Variants in ARHGAP24 observed in about 807,000 individuals in gnomAD.
ARHGAP24 encodes rho GTPase-activating protein 24.
In ARHGAP24, 50 loss-of-function variants were observed where a neutral mutation model predicts 76.4. The ratio of observed to expected loss-of-function variants is 0.65; its 90% CI spans 0.52 to 0.83. The LOEUF (loss-of-function observed/expected upper bound fraction) is 0.83, where lower values mean the gene tolerates loss of function less well. Ranked by LOEUF, ARHGAP24 falls within the 40% of genes least tolerant of loss-of-function variation. The pLI, the probability that ARHGAP24 is intolerant of heterozygous loss-of-function variation, is 0.00. For missense variants in ARHGAP24, 930 were observed against 914.2 expected, an observed-to-expected ratio of 1.02 and a Z score of -0.22; for synonymous variants, 345 against 323.3, an observed-to-expected ratio of 1.07 and a Z score of -0.72.
chr4:85,693,529 C>T (rs1723750425), intron 2 of ARHGAP24, among the ~76,000 whole-genome samples: 1 of 152,324 alleles, frequency 6.6e-6, no homozygotes, highest in African/African-American at 2.4e-5. Flanking sequence ...CCCTGGGGCA[C>T]AGGGACCTGC....
intron 5 of ARHGAP24, among the ~76,000 whole-genome samples, chr4:85,954,197 G>A (rs994235402): frequency 1.1e-4 from 17 of 152,288 alleles, no homozygotes; most frequent in Admixed American, 6.5e-4. Context: ...TTAAAATACA[G>A]GAGGTAGTTA....
chr4:85,664,709 T>G (rs565147692), intron 2 of ARHGAP24, among the ~76,000 whole-genome samples: 94 of 151,418 alleles, frequency 6.2e-4, no homozygotes, highest in Non-Finnish European at 5.1e-4. Context: ...TCTGGTATGT[T>G]GTGTCTTTGT....
chr4:85,786,131 AT>A (rs1411892785), intron 3 of ARHGAP24, among the ~76,000 whole-genome samples: 2 of 152,194 alleles, frequency 1.3e-5, no homozygotes, highest in African/African-American at 4.8e-5. Flanking sequence ...TGATCTCGTA[AT>A]TAACCCCCAC....
At chr4:85,860,543 T>A (rs345355) in intron 3 of ARHGAP24, among the ~76,000 whole-genome samples, 32,795 of 152,116 alleles carry the variant, frequency 0.22, 4,559 homozygotes, top group Non-Finnish European at 0.32. Flanking sequence ...AAGGCTAACT[T>A]AGAATAGATA....
At chr4:85,535,295 A>T (rs553541901) in intron 1 of ARHGAP24, among the ~76,000 whole-genome samples, 12 of 152,200 alleles carry the variant, frequency 7.9e-5, no homozygotes, top group Non-Finnish European at 1.3e-4. Context: ...TTCAAGCTAG[A>T]CACAAAGTAT....
intron 2 of ARHGAP24, among the ~76,000 whole-genome samples, chr4:85,610,663 TGTG>T (rs1335582571): frequency 2.6e-5 from 4 of 151,992 alleles, no homozygotes; most frequent in Admixed American, 2.0e-4. Context: ...ATTTCTGACT[TGTG>T]GTGGTTTTTG....
chr4:85,853,552 C>G (rs889257260), intron 3 of ARHGAP24, among the ~76,000 whole-genome samples: 1 of 152,190 alleles, frequency 6.6e-6, no homozygotes, highest in Non-Finnish European at 1.5e-5. Flanking sequence ...CACCCATCTT[C>G]TGCGTCTGTC....
intron 3 of ARHGAP24, among the ~76,000 whole-genome samples, chr4:85,812,180 A>G (rs1729043867): frequency 6.6e-6 from 1 of 152,122 alleles, no homozygotes; most frequent in South Asian, 2.1e-4. Flanking sequence ...CATCTCAAAA[A>G]TAAATAAATA....
chr4:85,647,878 TA>T (rs1201764755), intron 2 of ARHGAP24, among the ~76,000 whole-genome samples: 1 of 152,176 alleles, frequency 6.6e-6, no homozygotes, highest in Non-Finnish European at 1.5e-5. Context: ...CCATCTGTTG[TA>T]CTAAACATTT....
At chr4:85,665,681 C>T (rs1369893192) in intron 2 of ARHGAP24, among the ~76,000 whole-genome samples, 2 of 152,112 alleles carry the variant, frequency 1.3e-5, no homozygotes, top group Non-Finnish European at 2.9e-5. Flanking sequence ...TTTAGTGCTT[C>T]CTTCAGGAGC....
intron 3 of ARHGAP24, among the ~76,000 whole-genome samples, chr4:85,735,061 T>C (rs975664469): frequency 1.3e-5 from 2 of 152,142 alleles, no homozygotes. Context: ...TTGAATTCCT[T>C]CCACTCCCAC....
chr4:85,750,780 G>A (rs573222745), intron 3 of ARHGAP24, among the ~76,000 whole-genome samples: 1 of 152,150 alleles, frequency 6.6e-6, no homozygotes, highest in African/African-American at 2.4e-5. Flanking sequence ...TTACAGATGT[G>A]AGCCACTAGG....
intron 7 of ARHGAP24, among the ~76,000 whole-genome samples, chr4:85,976,779 C>CTTT (rs200270054): frequency 1.5e-5 from 2 of 130,448 alleles, no homozygotes; most frequent in African/African-American, 5.9e-5. Context: ...TTTTATTTCT[C>CTTT]TTTTTTTTTT....
chr4:85,844,552 T>C (rs951485216), intron 3 of ARHGAP24, among the ~76,000 whole-genome samples: 8 of 152,148 alleles, frequency 5.3e-5, no homozygotes, highest in Admixed American at 1.3e-4. Flanking sequence ...ACACACAACA[T>C]AAACCCAGTG....
At chr4:85,627,831 G>A (rs1468520552) in intron 2 of ARHGAP24, among the ~76,000 whole-genome samples, 1 of 152,310 alleles carries the variant, frequency 6.6e-6, no homozygotes, top group East Asian at 1.9e-4. Flanking sequence ...TTGGACTGCT[G>A]TGCTAGCAAT....
intron 5 of ARHGAP24, among the ~76,000 whole-genome samples, chr4:85,955,281 C>T (rs1341237648): frequency 6.7e-6 from 1 of 149,816 alleles, no homozygotes; most frequent in African/African-American, 2.5e-5. Context: ...AAGAGCCTAA[C>T]AAATTCACCC....
chr4:85,577,630 TGAA>T (rs1230832791), intron 2 of ARHGAP24, among the ~76,000 whole-genome samples: 1 of 152,172 alleles, frequency 6.6e-6, no homozygotes, highest in Admixed American at 6.5e-5. Flanking sequence ...CAAGCATTTG[TGAA>T]GAAGGAGTTA....
rs572655834 is a variant in ARHGAP24, at chr4:85,565,022, C to T, written c.-20-5500C>T. ...ACACACACCCATACACATATGTGCA[C>T]TTGCATGTATACCTATAAACACATG... On this transcript the variant is annotated intron_variant, in intron 1 of 9. Coordinates refer to ENST00000395184, the MANE Select transcript of ARHGAP24 (RefSeq NM_001025616.3). Among the ~76,000 whole-genome samples the T allele has an allele frequency of 1.6e-4, 24 of 146,636 alleles. No individual in the cohort carries two copies. In the South Asian group the frequency reaches 5.3e-3, roughly 32 times the overall value.
rs1360225499 is a variant in ARHGAP24, at chr4:85,610,110, G to A, written c.180+39389G>A. On this transcript the variant is annotated intron_variant, in intron 2 of 9. Transcript: ENST00000395184. ...TCTGAGCCAACTTCTTATTGCTCAG[G>A]TCTAGCAGAGCGTTTGGCATTAGTA... Among the ~76,000 whole-genome samples the A allele has an allele frequency of 2.6e-5, 4 of 152,106 alleles. No homozygotes were observed. The East Asian group carries it at 7.7e-4, about 29-fold the overall frequency.
Sources: gnomAD v4.1 joint callset for allele counts (sites outside exome capture counted in the v4.1 genomes callset) on GRCh38, gnomAD v4.1.1 for gene constraint, MANE v1.5 for transcripts, NCBI Gene and HGNC (gene_info 2026-07-23, HGNC 2026-07-21) for gene names.